Variants in CHSY3 observed in about 807,000 individuals in gnomAD.
CHSY3 encodes the protein chondroitin sulfate synthase 3.
A neutral mutation model predicts 67.2 loss-of-function variants in CHSY3; 35 were observed. The observed-to-expected ratio is 0.52, with a 90% CI of 0.40 to 0.69. CHSY3 has a LOEUF of 0.69. Among genes scored for constraint, CHSY3 ranks in the 30% least tolerant of loss-of-function variants. The pLI is 0.00. For synonymous variants in CHSY3, 474 were observed against 434.7 expected, an observed-to-expected ratio of 1.09 and a Z score of -1.12; for missense variants, 1,069 against 1,138.5, an observed-to-expected ratio of 0.94 and a Z score of 0.88.
At chr5:130,033,608 A>G (rs1337376114) in intron 2 of CHSY3, among the ~76,000 whole-genome samples, 1 of 152,188 alleles carries the variant, frequency 6.6e-6, no homozygotes, top group East Asian at 1.9e-4. Context: ...AACTCTATGT[A>G]TTTTTAACCA....
intron 2 of CHSY3, among the ~76,000 whole-genome samples, chr5:129,962,107 A>G (rs892287327): frequency 7.2e-5 from 11 of 151,968 alleles, no homozygotes; most frequent in Non-Finnish European, 1.5e-4. Context: ...GAAAATTTTC[A>G]TTATGAATTA....
At chr5:130,184,143 C>G in intron 2 of CHSY3, 86 bp from the exon 3 acceptor site, 1 of 1,251,286 alleles carries the variant, frequency 8.0e-7, no homozygotes, top group Non-Finnish European at 1.0e-6. Flanking sequence ...TTAACATTTT[C>G]ATTTAGATGC....
intron 2 of CHSY3, among the ~76,000 whole-genome samples, chr5:129,916,049 T>A (rs374721595): frequency 1.3e-5 from 2 of 152,298 alleles, no homozygotes; most frequent in South Asian, 2.1e-4. Flanking sequence ...CAAAAGAAAT[T>A]CAACTTAGAG....
chr5:130,143,720 ATGTGTGTGTGTGTG>A lies in CHSY3; in HGVS notation c.1087-40507_1087-40494del, dbSNP rs371451856. On this transcript the variant is annotated intron_variant, in intron 2 of 2. Coordinates refer to ENST00000305031, the MANE Select transcript of CHSY3 (RefSeq NM_175856.5). ...TCATACCCATAGGGTATATATATAT[ATGTGTGTGTGTGTG>A]TATATATATATATATATATATATGT... 7.1e-3 allele frequency among the ~76,000 whole-genome samples: 784 copies of A among 110,444 alleles called. 9 individuals carry two copies. The highest frequency in any genetic ancestry group is 9.2e-3 in the African/African-American group (230 of 24,976). The allele number at this position is 110,444 out of a possible 152,430, so 72.5% of individuals were successfully genotyped here. A position where few individuals can be genotyped will look rare whatever the true frequency, so the allele number is the denominator to read the frequency against.
At chr5:129,905,696 C>G (rs1457596507) in intron 1 of CHSY3, 65 bp downstream of exon 1, 14 of 1,570,250 alleles carry the variant, frequency 8.9e-6, no homozygotes, top group Non-Finnish European at 9.5e-6. Flanking sequence ...GTAACCGGTC[C>G]TAGCCCCTGC....
chr5:130,131,803 T>C (rs1768491259), intron 2 of CHSY3, among the ~76,000 whole-genome samples: 1 of 152,168 alleles, frequency 6.6e-6, no homozygotes, highest in Non-Finnish European at 1.5e-5. Flanking sequence ...TGTCTACTTG[T>C]TTCACTACTG....
intron 2 of CHSY3, among the ~76,000 whole-genome samples, chr5:130,111,863 CATTTT>C (rs1767599000): frequency 6.6e-6 from 1 of 151,744 alleles, no homozygotes; most frequent in Admixed American, 6.6e-5. Flanking sequence ...TAATTCCACA[CATTTT>C]ATTTTAACAC....
At chr5:130,066,034 A>G (rs1481931065) in intron 2 of CHSY3, among the ~76,000 whole-genome samples, 1 of 151,970 alleles carries the variant, frequency 6.6e-6, no homozygotes, top group Non-Finnish European at 1.5e-5. Context: ...CTTGGAACAC[A>G]CCTTCTTCTG....
chr5:130,082,910 A>G (rs1766490760), intron 2 of CHSY3, among the ~76,000 whole-genome samples: 1 of 151,856 alleles, frequency 6.6e-6, no homozygotes, highest in African/African-American at 2.4e-5. Context: ...ATATATTTAA[A>G]GGAATTGTGA....
chr5:130,021,300 C>A (rs377427925), intron 2 of CHSY3, among the ~76,000 whole-genome samples: 4 of 152,112 alleles, frequency 2.6e-5, no homozygotes, highest in Admixed American at 1.3e-4. Flanking sequence ...ACTGCCCTTA[C>A]TACCACCACT....
At chr5:129,943,264 G>A (rs186676034) in intron 2 of CHSY3, among the ~76,000 whole-genome samples, 57 of 152,218 alleles carry the variant, frequency 3.7e-4, no homozygotes, top group Admixed American at 9.2e-4. Flanking sequence ...TGTGAGAAAG[G>A]TTTTGCAGTA....
chr5:129,983,380 A>T (rs958435301), intron 2 of CHSY3, among the ~76,000 whole-genome samples: 1 of 152,058 alleles, frequency 6.6e-6, no homozygotes, highest in Non-Finnish European at 1.5e-5. Flanking sequence ...GTCCTCCTAC[A>T]TCCATATTTG....
chr5:130,170,301 G>T (rs1405423153), intron 2 of CHSY3, among the ~76,000 whole-genome samples: 1 of 152,036 alleles, frequency 6.6e-6, no homozygotes, highest in East Asian at 1.9e-4. Flanking sequence ...CAGTGTTGCT[G>T]CAAAGGACAT....
intron 2 of CHSY3, among the ~76,000 whole-genome samples, chr5:130,044,714 T>C (rs765973131): frequency 1.3e-5 from 2 of 152,114 alleles, no homozygotes; most frequent in Non-Finnish European, 2.9e-5. Flanking sequence ...GATATTTTTC[T>C]AAGTGAATGT....
chr5:129,930,513 G>A (rs989862936), intron 2 of CHSY3, among the ~76,000 whole-genome samples: 4 of 147,490 alleles, frequency 2.7e-5, no homozygotes, highest in Admixed American at 6.8e-5. Flanking sequence ...ACTGGCGGGG[G>A]GGGGGTATGA....
intron 2 of CHSY3, among the ~76,000 whole-genome samples, chr5:130,174,159 A>T (rs1041442104): frequency 3.3e-5 from 5 of 152,032 alleles, no homozygotes; most frequent in African/African-American, 1.2e-4. Context: ...TTATTTTCTT[A>T]CATGCCTTCA....
At chr5:129,948,146 CAAAT>C (rs1469940191) in intron 2 of CHSY3, among the ~76,000 whole-genome samples, 3 of 152,050 alleles carry the variant, frequency 2.0e-5, no homozygotes, top group Non-Finnish European at 4.4e-5. Flanking sequence ...AGAGAAGACT[CAAAT>C]AAATAAAATT....
chr5:130,024,954 C>G (rs921204050), intron 2 of CHSY3, among the ~76,000 whole-genome samples: 8 of 152,022 alleles, frequency 5.3e-5, no homozygotes. Flanking sequence ...GAATTGAGTT[C>G]AGTTTTATTA....
intron 2 of CHSY3, among the ~76,000 whole-genome samples, chr5:130,072,541 A>G (rs1003169269): frequency 6.6e-6 from 1 of 152,192 alleles, no homozygotes; most frequent in East Asian, 1.9e-4. Flanking sequence ...TGCCAGTACC[A>G]TGCTGTTTTG....
Sources: gnomAD v4.1 joint callset for allele counts (sites outside exome capture counted in the v4.1 genomes callset) on GRCh38, gnomAD v4.1.1 for gene constraint, MANE v1.5 for transcripts, NCBI Gene and HGNC (gene_info 2026-07-23, HGNC 2026-07-21) for gene names.